Variants in CD55 observed in about 807,000 individuals in gnomAD.
CD55 encodes CD55 molecule (Cromer blood group), also known as complement decay-accelerating factor.
Under a neutral mutation model 45.8 loss-of-function variants are expected in CD55, and 41 were observed. The ratio of observed to expected loss-of-function variants is 0.90; its 90% CI spans 0.70 to 1.16. The LOEUF is 1.16. Among genes scored for constraint, CD55 ranks in the 50% most tolerant of loss-of-function variants. The pLI is 0.00. For synonymous variants in CD55, 181 were observed against 181.1 expected (o/e 1.00, Z 0.01); for missense variants, 416 against 469.8 (o/e 0.89, Z 1.06).
intron 5 of CD55, 43 bp from the exon 6 acceptor site, chr1:207,331,065 A>T: frequency 7.7e-7 from 1 of 1,296,218 alleles, no homozygotes; most frequent in African/African-American, 1.5e-5. Flanking sequence ...AAAATACTTT[A>T]CTAGTTTTAT....
At chr1:207,353,973 T>C (rs1238660197) in intron 9 of CD55, 1 of 1,525,722 alleles carries the variant, frequency 6.6e-7, no homozygotes, top group Admixed American at 2.0e-5. Context: ...CTTTTTGTTT[T>C]CATAGCACAT....
chr1:207,343,549 A>G (rs891149353), intron 9 of CD55, among the ~76,000 whole-genome samples: 5 of 152,156 alleles, frequency 3.3e-5, no homozygotes, highest in African/African-American at 1.2e-4. Flanking sequence ...ACTTGATACA[A>G]TTTTGACTTT....
intron 6 of CD55, among the ~76,000 whole-genome samples, chr1:207,336,342 T>A (rs1047353308): frequency 2.6e-5 from 4 of 152,172 alleles, no homozygotes; most frequent in Admixed American, 6.5e-5. Flanking sequence ...ATCCTGTTGT[T>A]CTTTAGTATT....
At chr1:207,350,655 A>G (rs1310772933) in intron 9 of CD55, among the ~76,000 whole-genome samples, 2 of 152,052 alleles carry the variant, frequency 1.3e-5, no homozygotes, top group Non-Finnish European at 2.9e-5. Flanking sequence ...GGTGTTCAAA[A>G]TAGTCTCTGA....
chr1:207,351,804 C>CT (rs1655877802), intron 9 of CD55, among the ~76,000 whole-genome samples: 1 of 152,070 alleles, frequency 6.6e-6, no homozygotes, highest in African/African-American at 2.4e-5. Flanking sequence ...TCCTGAAATT[C>CT]TTTAAGTATT....
intron 9 of CD55, 106 bp from the exon 10 acceptor site, chr1:207,359,440 T>G: frequency 8.6e-7 from 1 of 1,165,444 alleles, no homozygotes; most frequent in Non-Finnish European, 1.2e-6. Context: ...AATTAACTGA[T>G]TCTTTTTGGT....
chr1:207,341,763 T>G (rs1572890910), intron 9 of CD55, among the ~76,000 whole-genome samples: 1 of 152,234 alleles, frequency 6.6e-6, no homozygotes, highest in Non-Finnish European at 1.5e-5. Flanking sequence ...TAGGACTTTT[T>G]TTTTTCTATT....
At chr1:207,359,515 A>AATTTT in intron 9 of CD55, 31 bp from the exon 10 acceptor site, 1 of 697,270 alleles carries the variant, frequency 1.4e-6, no homozygotes. Context: ...TTTGATTTTA[A>AATTTT]CTTTTTTTTT....
intron 6 of CD55, among the ~76,000 whole-genome samples, chr1:207,334,493 A>G (rs1655084004): frequency 6.6e-6 from 1 of 152,186 alleles, no homozygotes; most frequent in African/African-American, 2.4e-5. Flanking sequence ...CAAACAGTGA[A>G]TGTAATGTCC....
intron 5 of CD55, among the ~76,000 whole-genome samples, chr1:207,330,302 T>C (rs1250955993): frequency 3.4e-5 from 5 of 148,366 alleles, no homozygotes; most frequent in Non-Finnish European, 7.4e-5. Flanking sequence ...TAATTTGGCA[T>C]ACACACATAT....
intron 9 of CD55, among the ~76,000 whole-genome samples, chr1:207,346,718 G>C (rs143909363): frequency 1.8e-3 from 279 of 152,314 alleles, no homozygotes; most frequent in Non-Finnish European, 3.5e-3. Flanking sequence ...GGCAACAGTG[G>C]CCACAGAGCA....
intron 9 of CD55, among the ~76,000 whole-genome samples, chr1:207,346,203 G>A (rs1655631571): frequency 6.6e-6 from 1 of 152,234 alleles, no homozygotes; most frequent in African/African-American, 2.4e-5. Context: ...GTGATTGGGT[G>A]GATCAGTTTC....
chr1:207,331,053 T>C, intron 5 of CD55, 55 bp from the exon 6 acceptor site: 1 of 1,239,422 alleles, frequency 8.1e-7, no homozygotes, highest in Non-Finnish European at 1.1e-6. Flanking sequence ...ATCTTATTTG[T>C]AAAAATACTT....
chr1:207,359,508 G>A (rs772779388), intron 9 of CD55, 38 bp from the exon 10 acceptor site: 10 of 1,104,980 alleles, frequency 9.0e-6, no homozygotes, highest in Non-Finnish European at 1.2e-5. Context: ...AAATCATTTT[G>A]ATTTTAACTT....
intron 3 of CD55, among the ~76,000 whole-genome samples, chr1:207,325,387 T>C (rs1004491174): frequency 6.6e-6 from 1 of 151,460 alleles, no homozygotes; most frequent in African/African-American, 2.4e-5. Flanking sequence ...GTTCAGATGA[T>C]GAATTTACAT....
intron 9 of CD55, among the ~76,000 whole-genome samples, chr1:207,343,824 T>C (rs1234327858): frequency 6.6e-6 from 1 of 152,238 alleles, no homozygotes; most frequent in Non-Finnish European, 1.5e-5. Context: ...ATATTTGCTT[T>C]ATATGTTTGG....
At chr1:207,322,670 T>C in intron 2 of CD55, 103 bp downstream of exon 2, 1 of 1,006,870 alleles carries the variant, frequency 9.9e-7, no homozygotes, top group Non-Finnish European at 1.4e-6. Flanking sequence ...TCTCTAGCGT[T>C]ACTAAACCCC....
At chr1:207,325,774 G>T in intron 4 of CD55, 53 bp downstream of exon 4, 1 of 1,016,774 alleles carries the variant, frequency 9.8e-7, no homozygotes, top group South Asian at 1.4e-5. Flanking sequence ...AAACAAATTA[G>T]GACTTAAGGT....
intron 9 of CD55, chr1:207,347,260 A>C (rs1163250622): frequency 4.4e-6 from 2 of 451,860 alleles, no homozygotes; most frequent in Non-Finnish European, 8.9e-6. Context: ...AAAATGGGTA[A>C]ACACATTTTT....
Sources: allele counts gnomAD v4.1 joint callset (sites outside exome capture counted in the v4.1 genomes callset), GRCh38; gene constraint gnomAD v4.1.1; transcripts MANE v1.5; gene names NCBI Gene and HGNC (gene_info 2026-07-23, HGNC 2026-07-21).